AAK1: variants seen among roughly 807,000 people sequenced by gnomAD.
AAK1 encodes AP2-associated protein kinase 1.
In AAK1, 37 loss-of-function variants were observed where a neutral mutation model predicts 116.0. The observed-to-expected ratio is 0.32, with a 90% CI of 0.25 to 0.42. The LOEUF is 0.42. Ranked by LOEUF, AAK1 falls within the 10% of genes least tolerant of loss-of-function variation. The pLI, the probability that AAK1 is intolerant of heterozygous loss-of-function variation, is 1.00. For missense variants in AAK1, 919 were observed against 1,170.6 expected, an observed-to-expected ratio of 0.79 and a Z score of 3.14; for synonymous variants, 458 against 439.9, an observed-to-expected ratio of 1.04 and a Z score of -0.51.
intron 17 of AAK1, among the ~76,000 whole-genome samples, chr2:69,489,783 G>T (rs41320747): frequency 0.013 from 1,936 of 152,298 alleles, 49 homozygotes; most frequent in African/African-American, 0.045. Flanking sequence ...TTAGCATTGA[G>T]AAACCATTTG....
chr2:69,514,336 T>A, intron 13 of AAK1, 135 bp downstream of exon 13: 1 of 1,158,864 alleles, frequency 8.6e-7, no homozygotes, highest in African/African-American at 1.5e-5. Context: ...CAAGGAAAGA[T>A]CAAATAATTG....
At chr2:69,485,466 C>G (rs1455412733) in intron 17 of AAK1, among the ~76,000 whole-genome samples, 1 of 151,850 alleles carries the variant, frequency 6.6e-6, no homozygotes, top group Non-Finnish European at 1.5e-5. Flanking sequence ...TCCCCACCTT[C>G]CTGCCACATC....
At chr2:69,558,670 A>G (rs1388096579) in intron 2 of AAK1, among the ~76,000 whole-genome samples, 1 of 152,194 alleles carries the variant, frequency 6.6e-6, no homozygotes, top group Non-Finnish European at 1.5e-5. Flanking sequence ...GTGGTCACTA[A>G]TTGTATAGAG....
At chr2:69,601,670 T>C (rs1340976829) in intron 2 of AAK1, among the ~76,000 whole-genome samples, 2 of 149,150 alleles carry the variant, frequency 1.3e-5, no homozygotes, top group African/African-American at 5.0e-5. Context: ...AGGTAGTGAG[T>C]TAAAAAAAAA....
intron 17 of AAK1, among the ~76,000 whole-genome samples, chr2:69,487,271 C>G (rs906832126): frequency 2.0e-5 from 3 of 152,148 alleles, no homozygotes; most frequent in Non-Finnish European, 4.4e-5. Flanking sequence ...AATCATGGAG[C>G]CTGGAGGCCT....
At position 69,466,753 on chromosome 2, in the gene AAK1, A is replaced by G. The variant is rs1463371266; in HGVS notation, c.*9116T>C. The G allele has an allele frequency of 2.0e-6, 2 of 985,330 alleles. No homozygotes were observed. Among genetic ancestry groups the G allele is most frequent in the Admixed American group, 1.2e-4 (2 of 16,262 alleles). The allele number at this position is 985,330 out of a possible 1,614,324, so 61.0% of individuals were successfully genotyped here. A position where few individuals can be genotyped will look rare whatever the true frequency, so the allele number is the denominator to read the frequency against. The stretch of plus-strand genomic sequence containing the variant: ...ATCAACCACTGTCTCACGTTTTGGA[A>G]CATGATAGGCACGACGTACAGGAAA... On this transcript the variant is annotated 3_prime_UTR_variant, in exon 22 of 22. Transcript: ENST00000409085.
At chr2:69,640,053 A>ACACACTCTCTCT (rs1343518565) in intron 2 of AAK1, among the ~76,000 whole-genome samples, 16 of 92,790 alleles carry the variant, frequency 1.7e-4, no homozygotes, top group African/African-American at 7.8e-4. Context: ...ACACACACAC[A>ACACACTCTCTCT]CTCTCTCTCT....
intron 2 of AAK1, among the ~76,000 whole-genome samples, chr2:69,640,553 T>C (rs748269327): frequency 9.2e-5 from 14 of 152,194 alleles, no homozygotes; most frequent in Admixed American, 2.0e-4. Context: ...AATCACACTA[T>C]AGACCTCCCT....
At chr2:69,605,459 G>T (rs1278445682) in intron 2 of AAK1, among the ~76,000 whole-genome samples, 1 of 152,088 alleles carries the variant, frequency 6.6e-6, no homozygotes, top group East Asian at 1.9e-4. Flanking sequence ...ATTAAGTATA[G>T]ATTCACAGGA....
At chr2:69,610,562 A>G (rs79644719) in intron 2 of AAK1, among the ~76,000 whole-genome samples, 3,506 of 152,350 alleles carry the variant, frequency 0.023, 276 homozygotes, top group East Asian at 0.22. Context: ...AAGAGTAGAA[A>G]GGCAATCCAT....
Position 69,460,236 on chromosome 2 carries a change from G to A in AAK1, c.*15633C>T, listed in dbSNP as rs1056353456. 6.6e-6 allele frequency: 1 copy of A among 152,376 alleles called. No homozygotes were observed. Among genetic ancestry groups the A allele is most frequent in the South Asian group, 2.1e-4 (1 of 4,818 alleles). The allele number at this position is 152,376 out of a possible 1,614,324, so 9.4% of individuals were successfully genotyped here. The stretch of plus-strand genomic sequence containing the variant: ...AGAATCACACTTTTCTTTATTAAAG[G>A]GACCCAAGTGATTTTTAAGCTGTAT... On this transcript the variant is annotated 3_prime_UTR_variant, in exon 22 of 22. Coordinates refer to ENST00000409085, the MANE Select transcript of AAK1 (RefSeq NM_014911.5).
In AAK1 at chr2:69,526,555, T is replaced by G. The variant is rs1670032928; in HGVS notation, c.975+661A>C. On this transcript the variant is annotated intron_variant, in intron 9 of 21. Transcript: ENST00000409085. ...ACTCCTGACCTCAGGTGATCCATCC[T>G]CCTCGGCCTCCCAAAGTGCTGGGAT... Among the ~76,000 whole-genome samples the G allele has an allele frequency of 2.6e-5, 4 of 152,232 alleles. No homozygotes were observed. The South Asian group carries it at 8.3e-4, about 32-fold the overall frequency.
intron 5 of AAK1, among the ~76,000 whole-genome samples, chr2:69,536,797 G>A (rs1340746804): frequency 1.4e-5 from 2 of 143,272 alleles, no homozygotes; most frequent in Non-Finnish European, 3.2e-5. Flanking sequence ...AGGCATTTCA[G>A]TCAGAGAATG....
At position 69,471,888 on chromosome 2, in the gene AAK1, C is replaced by G; in HGVS notation, c.*3981G>C. On this transcript the variant is annotated 3_prime_UTR_variant, in exon 22 of 22. Coordinates refer to ENST00000409085, the MANE Select transcript of AAK1 (RefSeq NM_014911.5). ...AGTAGGAAATAAGTAATCAAAACAACCAAAAGTATTAATAATAAAACAAAT... is the reference window on the plus strand; with the variant it reads ...AGTAGGAAATAAGTAATCAAAACAAGCAAAAGTATTAATAATAAAACAAAT... 1.0e-6 allele frequency: 1 copy of G among 985,150 alleles called. No individual in the cohort carries two copies. The highest frequency in any genetic ancestry group is 1.2e-6 in the Non-Finnish European group (1 of 829,700). 61.0% of individuals were successfully genotyped at this position (985,150 alleles called of 1,614,324 possible).
chr2:69,594,403 C>T (rs1673170503), intron 2 of AAK1, among the ~76,000 whole-genome samples: 2 of 152,162 alleles, frequency 1.3e-5, no homozygotes, highest in African/African-American at 4.8e-5. Context: ...GAAGGACAGT[C>T]ATGTTATCGT....
At chr2:69,545,358 T>A in intron 3 of AAK1, among the ~76,000 whole-genome samples, 1 of 152,164 alleles carries the variant, frequency 6.6e-6, no homozygotes, top group East Asian at 1.9e-4. Flanking sequence ...AGAAGTAAGT[T>A]GAGGAAAGAA....
chr2:69,643,489 G>T (rs1675847979), intron 1 of AAK1, 86 bp downstream of exon 1: 1 of 1,218,232 alleles, frequency 8.2e-7, no homozygotes, highest in Non-Finnish European at 1.0e-6. Flanking sequence ...GAGCTGCTCC[G>T]GCAGCGCCGA....
chr2:69,496,068 T>G lies in AAK1; in HGVS notation c.2282A>C (p.Lys761Thr). The G allele has an allele frequency of 6.4e-7, 1 of 1,554,050 alleles. No individual in the cohort carries two copies. The highest frequency in any genetic ancestry group is 8.7e-7 in the Non-Finnish European group (1 of 1,148,344). The change falls in exon 17 of 22, where the codon AAG becomes ACG. Residue 761 changes from lysine to threonine, a missense_variant. Physicochemically the swap from Lys to Thr is moderately conservative, Grantham distance 78. Transcript: ENST00000409085. ...SFSAGTAEKR[K>T]GGQTVDSGLP... Reference sequence around the variant, plus strand: ...GCCAGAGTCCACAGTCTGCCCACCCTTCCTTTTTTCAGCTGGAGTTAGGTT... The same window carrying G: ...GCCAGAGTCCACAGTCTGCCCACCCGTCCTTTTTTCAGCTGGAGTTAGGTT...
intron 1 of AAK1, 26 bp downstream of exon 1, chr2:69,643,549 C>G (rs527580490): frequency 8.1e-7 from 1 of 1,227,968 alleles, no homozygotes; most frequent in Non-Finnish European, 1.0e-6. Flanking sequence ...CGCCGCCCCT[C>G]GAGGCGGCAT....
Sources: allele counts gnomAD v4.1 joint callset (sites outside exome capture counted in the v4.1 genomes callset), GRCh38; gene constraint gnomAD v4.1.1; transcripts MANE v1.5; gene names NCBI Gene and HGNC (gene_info 2026-07-23, HGNC 2026-07-21).